Variants in GALNT13 observed in about 807,000 individuals in gnomAD.
GALNT13 encodes the protein polypeptide N-acetylgalactosaminyltransferase 13.
A neutral mutation model predicts 64.2 loss-of-function variants in GALNT13; 28 were observed. That is an observed-to-expected ratio of 0.44 (90% confidence interval 0.32 to 0.60). The LOEUF is 0.60. GALNT13 is among the 20% of genes least tolerant of loss of function. The pLI, the probability that GALNT13 is intolerant of heterozygous loss-of-function variation, is 0.05. For missense variants in GALNT13, 577 were observed against 669.8 expected, an observed-to-expected ratio of 0.86 and a Z score of 1.53; for synonymous variants, 214 against 224.6, an observed-to-expected ratio of 0.95 and a Z score of 0.42.
chr2:153,591,756 C>G, the GALNT13 span, among the ~76,000 whole-genome samples: 7 of 151,986 alleles, frequency 4.6e-5, no homozygotes, highest in Non-Finnish European at 1.0e-4. Context: ...GAAAACTCTT[C>G]TGGACATTAG....
chr2:153,755,936 T>C, the GALNT13 span, among the ~76,000 whole-genome samples: 247 of 152,276 alleles, frequency 1.6e-3, no homozygotes, highest in African/African-American at 5.7e-3. Context: ...TTATGCCATA[T>C]TGATTTTGCA....
intron 9 of GALNT13, among the ~76,000 whole-genome samples, chr2:154,393,569 T>C (rs555867804): frequency 3.3e-5 from 5 of 152,304 alleles, no homozygotes; most frequent in African/African-American, 1.2e-4. Flanking sequence ...AATGTTAAGA[T>C]AGCCCACCAT....
the GALNT13 span, among the ~76,000 whole-genome samples, chr2:153,522,511 CTGT>C: frequency 1.3e-5 from 2 of 152,082 alleles, no homozygotes; most frequent in East Asian, 3.9e-4. Flanking sequence ...ATGAGAGTTC[CTGT>C]TGTTTCTGTT....
At chr2:153,121,889 TA>T in the GALNT13 span, among the ~76,000 whole-genome samples, 3 of 152,200 alleles carry the variant, frequency 2.0e-5, no homozygotes, top group Non-Finnish European at 4.4e-5. Flanking sequence ...CACATTATCT[TA>T]ACCACTATCT....
At chr2:153,741,232 A>C in the GALNT13 span, among the ~76,000 whole-genome samples, 1 of 151,964 alleles carries the variant, frequency 6.6e-6, no homozygotes, top group Non-Finnish European at 1.5e-5. Flanking sequence ...TATAAATACT[A>C]TCTGTATTTT....
chr2:154,225,519 C>T (rs1380505220), intron 4 of GALNT13, among the ~76,000 whole-genome samples: 1 of 151,904 alleles, frequency 6.6e-6, no homozygotes, highest in Non-Finnish European at 1.5e-5. Flanking sequence ...AGATACAGCT[C>T]CAAGTATGTG....
At chr2:153,671,731 G>T in the GALNT13 span, among the ~76,000 whole-genome samples, 1 of 152,138 alleles carries the variant, frequency 6.6e-6, no homozygotes, top group Non-Finnish European at 1.5e-5. Flanking sequence ...TGGGCTAAAT[G>T]CTCCAATTAA....
chr2:153,302,066 T>C, the GALNT13 span, among the ~76,000 whole-genome samples: 698 of 152,274 alleles, frequency 4.6e-3, 7 homozygotes, highest in African/African-American at 0.016. Flanking sequence ...ATATACTCAG[T>C]AATGGTAAAC....
intron 4 of GALNT13, among the ~76,000 whole-genome samples, chr2:154,146,653 T>A (rs963719483): frequency 1.3e-5 from 2 of 151,990 alleles, no homozygotes; most frequent in African/African-American, 4.8e-5. Context: ...GGGCATACAT[T>A]TGACTTATAA....
chr2:153,259,440 A>G, the GALNT13 span, among the ~76,000 whole-genome samples: 1 of 152,028 alleles, frequency 6.6e-6, no homozygotes, highest in Non-Finnish European at 1.5e-5. Context: ...GTTATTATAA[A>G]TAAGTAAAGA....
chr2:154,170,385 A>G (rs1200036566), intron 4 of GALNT13, among the ~76,000 whole-genome samples: 1 of 152,076 alleles, frequency 6.6e-6, no homozygotes, highest in Non-Finnish European at 1.5e-5. Context: ...CATCACACCC[A>G]CCAAAACTGT....
the GALNT13 span, among the ~76,000 whole-genome samples, chr2:153,407,257 G>A: frequency 3.0e-4 from 45 of 152,260 alleles, no homozygotes; most frequent in South Asian, 6.2e-4. Flanking sequence ...TTTAATAAGA[G>A]TTACAGATGA....
At chr2:154,446,425 G>T (rs1701578770) in intron 12 of GALNT13, 4 of 782,476 alleles carry the variant, frequency 5.1e-6, no homozygotes, top group African/African-American at 1.8e-5. Flanking sequence ...AAAAAATGTG[G>T]CTCACAGCTC....
the GALNT13 span, among the ~76,000 whole-genome samples, chr2:153,197,051 G>T: frequency 5.9e-3 from 897 of 152,318 alleles, 8 homozygotes; most frequent in African/African-American, 0.02. Context: ...AAGCCCCAAA[G>T]TGATGTGTAC....
the GALNT13 span, among the ~76,000 whole-genome samples, chr2:153,685,137 T>C: frequency 6.6e-6 from 1 of 151,992 alleles, no homozygotes; most frequent in Non-Finnish European, 1.5e-5. Context: ...CGCCTCTTTA[T>C]AGTAGAATGA....
At chr2:153,071,634 G>A in the GALNT13 span, among the ~76,000 whole-genome samples, 5 of 152,284 alleles carry the variant, frequency 3.3e-5, no homozygotes, top group African/African-American at 9.6e-5. Context: ...TTTACTGACC[G>A]ACAGAAATTG....
chr2:154,181,552 T>C (rs1183474853), intron 4 of GALNT13, among the ~76,000 whole-genome samples: 1 of 152,114 alleles, frequency 6.6e-6, no homozygotes, highest in African/African-American at 2.4e-5. Flanking sequence ...TTTTGCTTTT[T>C]GAAAAACAAG....
At chr2:153,484,872 C>T in the GALNT13 span, among the ~76,000 whole-genome samples, 1 of 152,140 alleles carries the variant, frequency 6.6e-6, no homozygotes, top group Non-Finnish European at 1.5e-5. Context: ...TATTGCCAGT[C>T]AATTGAATTA....
chr2:153,194,805 C>G, the GALNT13 span, among the ~76,000 whole-genome samples: 1 of 152,082 alleles, frequency 6.6e-6, no homozygotes, highest in Admixed American at 6.6e-5. Flanking sequence ...TCCAGTTGCA[C>G]ACAGTAGTAT....
Sources: allele counts gnomAD v4.1 joint callset (sites outside exome capture counted in the v4.1 genomes callset), GRCh38; gene constraint gnomAD v4.1.1; transcripts MANE v1.5; gene names NCBI Gene and HGNC (gene_info 2026-07-23, HGNC 2026-07-21).